IGF1R: variants seen among roughly 807,000 people sequenced by gnomAD.
The protein encoded by IGF1R is insulin like growth factor 1 receptor, also known as insulin-like growth factor 1 receptor.
IGF1R carries 44 observed loss-of-function variants against 144.6 expected under a neutral mutation model. That is an observed-to-expected ratio of 0.30 (90% confidence interval 0.24 to 0.39). The LOEUF is 0.39. Ranked by LOEUF, IGF1R falls within the 10% of genes least tolerant of loss-of-function variation. The pLI is 1.00. For synonymous variants in IGF1R, 795 were observed against 722.8 expected (o/e 1.10, Z -1.60); for missense variants, 1,355 against 1,833.7 (o/e 0.74, Z 4.77).
At chr15:98,892,013 AG>A (rs1242150451) in intron 3 of IGF1R, among the ~76,000 whole-genome samples, 3 of 152,128 alleles carry the variant, frequency 2.0e-5, no homozygotes, top group Non-Finnish European at 2.9e-5. Flanking sequence ...TAGCCAGGTG[AG>A]GCTTTGGAAG....
chr15:98,849,682 A>G (rs1472590293), intron 2 of IGF1R, among the ~76,000 whole-genome samples: 1 of 152,214 alleles, frequency 6.6e-6, no homozygotes, highest in African/African-American at 2.4e-5. Flanking sequence ...CTTGTTTAAA[A>G]AAACAAAGTA....
intron 10 of IGF1R, 98 bp from the exon 11 acceptor site, chr15:98,922,050 A>C: frequency 7.3e-7 from 1 of 1,365,224 alleles, no homozygotes; most frequent in Non-Finnish European, 1.0e-6. Flanking sequence ...AGCTCCTTCT[A>C]TTCCACGGTT....
At chr15:98,939,139 G>A (rs2151713696) in intron 17 of IGF1R, 62 bp from the exon 18 acceptor site, 1 of 1,431,762 alleles carries the variant, frequency 7.0e-7, no homozygotes, top group Non-Finnish European at 9.8e-7. Flanking sequence ...AACCTCGAAA[G>A]AAATTGGCAT....
At chr15:98,689,394 A>G (rs1156694995) in intron 1 of IGF1R, among the ~76,000 whole-genome samples, 1 of 151,806 alleles carries the variant, frequency 6.6e-6, no homozygotes, top group Non-Finnish European at 1.5e-5. Context: ...GTCTGCCACC[A>G]CACTTGGCTA....
chr15:98,718,677 T>G (rs888988256), intron 2 of IGF1R, among the ~76,000 whole-genome samples: 1 of 152,190 alleles, frequency 6.6e-6, no homozygotes, highest in Non-Finnish European at 1.5e-5. Context: ...TGCAAAGTGC[T>G]TGGACGTGTT....
chr15:98,887,410 T>C (rs1180728785), intron 2 of IGF1R, among the ~76,000 whole-genome samples: 1 of 137,818 alleles, frequency 7.3e-6, no homozygotes, highest in Admixed American at 7.6e-5. Context: ...GGGACATTTT[T>C]CTGTTCTTTT....
At chr15:98,839,570 G>C (rs2011140957) in intron 2 of IGF1R, among the ~76,000 whole-genome samples, 1 of 152,232 alleles carries the variant, frequency 6.6e-6, no homozygotes, top group South Asian at 2.1e-4. Flanking sequence ...TATTCAGCGA[G>C]ACAGCCTTTT....
chr15:98,858,669 G>A (rs1366579963), intron 2 of IGF1R, among the ~76,000 whole-genome samples: 7 of 152,186 alleles, frequency 4.6e-5, no homozygotes, highest in South Asian at 2.1e-4. Flanking sequence ...GCTAATAAAC[G>A]TGGACGAGGT....
intron 2 of IGF1R, among the ~76,000 whole-genome samples, chr15:98,872,661 A>G (rs1053165641): frequency 6.6e-6 from 1 of 152,230 alleles, no homozygotes; most frequent in African/African-American, 2.4e-5. Context: ...TGAGGAAAAC[A>G]AGTCCCTCTG....
At chr15:98,675,818 C>CTTTTTTTTT (rs2053023653) in intron 1 of IGF1R, among the ~76,000 whole-genome samples, 1 of 118,704 alleles carries the variant, frequency 8.4e-6, no homozygotes. Context: ...TTTTTTCTTT[C>CTTTTTTTTT]TTTCTTTCTT....
rs2013929963 is a variant in IGF1R, at chr15:98,891,692, A to G, written c.953+55A>G. On this transcript the variant is annotated intron_variant, in intron 3 of 20. Coordinates refer to ENST00000650285, the MANE Select transcript of IGF1R (RefSeq NM_000875.5). The surrounding 1 kb of genome is among the most constrained non-coding windows in gnomAD (Gnocchi z 4.7). ...CCCGCCCCACCTCACCCGCCACCCT[A>G]GCACACAAAGGTAGACTCTGTCGGT... is the stretch of plus-strand genomic sequence containing the variant. 2 of 1,538,364 alleles carry G rather than the reference A, an allele frequency of 1.3e-6. No homozygotes were observed. Among genetic ancestry groups the G allele is most frequent in the South Asian group, 1.1e-5 (1 of 88,474 alleles).
chr15:98,811,787 G>A (rs1039930045), intron 2 of IGF1R, among the ~76,000 whole-genome samples: 3 of 151,878 alleles, frequency 2.0e-5, no homozygotes, highest in East Asian at 2.0e-4. Flanking sequence ...TTCTCTGGGC[G>A]TGTTGGCGGG....
At chr15:98,775,047 G>A (rs2137679) in intron 2 of IGF1R, among the ~76,000 whole-genome samples, 1 of 152,218 alleles carries the variant, frequency 6.6e-6, no homozygotes, top group African/African-American at 2.4e-5. Context: ...CTGACTTGGA[G>A]GTTAATAATA....
At chr15:98,835,080 TACACACACACACAC>T (rs34443123) in intron 2 of IGF1R, among the ~76,000 whole-genome samples, 4 of 130,440 alleles carry the variant, frequency 3.1e-5, no homozygotes, top group Admixed American at 1.5e-4. Context: ...ACACCCCCCC[TACACACACACACAC>T]ACACACACAC....
At chr15:98,779,453 C>T (rs969649575) in intron 2 of IGF1R, among the ~76,000 whole-genome samples, 1 of 152,188 alleles carries the variant, frequency 6.6e-6, no homozygotes, top group African/African-American at 2.4e-5. Context: ...TTCATTTAAT[C>T]CTCAGCCTGG....
At chr15:98,917,982 T>C (rs1429721326) in intron 10 of IGF1R, among the ~76,000 whole-genome samples, 1 of 152,242 alleles carries the variant, frequency 6.6e-6, no homozygotes, top group Non-Finnish European at 1.5e-5. Flanking sequence ...ATGATTAAAA[T>C]GGCAACTTTT....
chr15:98,891,742 G>A lies in IGF1R; in HGVS notation c.953+105G>A, dbSNP rs1031062815. On this transcript the variant is annotated intron_variant, in intron 3 of 20. Coordinates refer to ENST00000650285, the MANE Select transcript of IGF1R (RefSeq NM_000875.5). This position sits in a 1 kb window ranked among gnomAD's most constrained non-coding sequence, Gnocchi z 4.7. ...TTGTTTCATCCGGGTGCAGCCCTCA[G>A]GAAGTTCACTGAGGTGGGTCATTTT... 8 of 1,142,104 alleles carry A rather than the reference G, an allele frequency of 7.0e-6. No homozygotes were observed. The highest frequency in any genetic ancestry group is 7.6e-6 in the Non-Finnish European group (6 of 789,116). 70.7% of individuals were successfully genotyped at this position (1,142,104 alleles called of 1,614,324 possible). A position where few individuals can be genotyped will look rare whatever the true frequency, so the allele number is the denominator to read the frequency against.
chr15:98,789,132 T>G lies in IGF1R; in HGVS notation c.640+81025T>G, dbSNP rs368178340. On this transcript the variant is annotated intron_variant, in intron 2 of 20. Transcript: ENST00000650285. ...TTCTTGTAAAATGGAAAGACAAACA[T>G]ACCTTAAACTTAACTCAGATCGTGA... Among the ~76,000 whole-genome samples, 8 of 152,222 alleles carry G rather than the reference T, an allele frequency of 5.3e-5. No individual in the cohort carries two copies. In the East Asian group the frequency reaches 5.8e-4, roughly 11 times the overall value.
intron 1 of IGF1R, among the ~76,000 whole-genome samples, chr15:98,669,256 G>T (rs1319869): frequency 0.74 from 111,867 of 152,068 alleles, 45,397 homozygotes; most frequent in East Asian, 0.89. Context: ...GCGCAAGGGT[G>T]TTTAGCATGC....
Sources: allele counts gnomAD v4.1 joint callset (sites outside exome capture counted in the v4.1 genomes callset), GRCh38; gene constraint gnomAD v4.1.1; non-coding constraint Gnocchi (gnomAD v3.1); transcripts MANE v1.5; gene names NCBI Gene and HGNC (gene_info 2026-07-23, HGNC 2026-07-21).